Variants in NPAT observed in about 807,000 individuals in gnomAD.
NPAT encodes nuclear protein, coactivator of histone transcription.
In NPAT, 52 loss-of-function variants were observed where a neutral mutation model predicts 130.7. The observed-to-expected ratio is 0.40, with a 90% CI of 0.32 to 0.50. The LOEUF is 0.50. Among genes scored for constraint, NPAT ranks in the 20% least tolerant of loss-of-function variants. The pLI is 0.68. For missense variants in NPAT, 1,687 were observed against 1,662.6 expected, an observed-to-expected ratio of 1.01 and a Z score of -0.26; for synonymous variants, 580 against 584.8, an observed-to-expected ratio of 0.99 and a Z score of 0.12.
intron 13 of NPAT, among the ~76,000 whole-genome samples, chr11:108,170,700 C>T (rs888006762): frequency 2.6e-5 from 4 of 152,296 alleles, no homozygotes; most frequent in Admixed American, 6.5e-5. Flanking sequence ...CAACCTACTA[C>T]GGTCTCTCTG....
intron 1 of NPAT, among the ~76,000 whole-genome samples, chr11:108,199,302 G>A (rs981211728): frequency 1.3e-5 from 2 of 152,220 alleles, no homozygotes; most frequent in East Asian, 3.8e-4. Context: ...AACTGGACCA[G>A]CTGCGGGGCT....
intron 10 of NPAT, among the ~76,000 whole-genome samples, chr11:108,177,660 A>T (rs1591394163): frequency 6.6e-6 from 1 of 152,186 alleles, no homozygotes; most frequent in Non-Finnish European, 1.5e-5. Flanking sequence ...CTAAACATTA[A>T]AATGATATAA....
At chr11:108,210,215 G>C (rs1332749481) in intron 1 of NPAT, among the ~76,000 whole-genome samples, 1 of 152,014 alleles carries the variant, frequency 6.6e-6, no homozygotes, top group Non-Finnish European at 1.5e-5. Context: ...AGAGAATCTA[G>C]ATGAAATGAG....
chr11:108,161,374 C>A lies in NPAT; in HGVS notation c.3712G>T (p.Ala1238Ser), dbSNP rs200156065. The change falls in exon 17 of 18, where the codon GCC becomes TCC. Residue 1238 changes from alanine to serine, a missense_variant. This residue lies in a region of NPAT where 1,379 missense variants were observed against 1,346.6 expected (regional missense o/e 1.02). Coordinates refer to ENST00000278612, the MANE Select transcript of NPAT (RefSeq NM_002519.3). ...KDLKQEQTKS[A>S]SSLITTEMLQ... Reference sequence around the variant, plus strand: ...ATTTCTGTGGTAATCAAAGAACTGGCGGATTTAGTTTGTTCTTGTTTTAGA... The same window carrying A: ...ATTTCTGTGGTAATCAAAGAACTGGAGGATTTAGTTTGTTCTTGTTTTAGA... 4 of 1,614,098 alleles carry A rather than the reference C, an allele frequency of 2.5e-6. No individual in the cohort carries two copies. The highest frequency in any genetic ancestry group is 2.2e-5 in the East Asian group (1 of 44,890).
At chr11:108,184,299 G>A (rs1056294834) in intron 10 of NPAT, among the ~76,000 whole-genome samples, 15 of 151,778 alleles carry the variant, frequency 9.9e-5, no homozygotes, top group Non-Finnish European at 1.8e-4. Context: ...GTGAAACCCC[G>A]TCTCTACTAA....
intron 5 of NPAT, among the ~76,000 whole-genome samples, chr11:108,189,633 G>A (rs535908594): frequency 6.6e-4 from 101 of 152,194 alleles, no homozygotes; most frequent in Non-Finnish European, 1.8e-4. Context: ...CACTTTGGGA[G>A]GCCGAGGCGG....
At position 108,177,210 on chromosome 11, in the gene NPAT, GGTA is replaced by G. The variant is rs201730730; in HGVS notation, c.907-123_907-121del. 4.9e-3 allele frequency: 2,110 copies of G among 433,540 alleles called. 30 individuals are homozygous for G. The highest frequency in any genetic ancestry group is 0.038 in the African/African-American group (1,814 of 48,296). The allele number at this position is 433,540 out of a possible 1,614,324, so 26.9% of individuals were successfully genotyped here. ...TCAGGCTGGAGTGTAGTGGTACAGT[GGTA>G]GAGTCACTGTAGCTCACTATAACCT... On this transcript the variant is annotated intron_variant, in intron 10 of 17. Coordinates refer to ENST00000278612, the MANE Select transcript of NPAT (RefSeq NM_002519.3).
At position 108,172,508 on chromosome 11, in the gene NPAT, T is replaced by C. The variant is rs2077961617; in HGVS notation, c.2476A>G (p.Asn826Asp). The change falls in exon 13 of 18, where the codon AAT becomes GAT. Residue 826 changes from asparagine (N) to aspartate (D), a missense_variant. By Grantham distance (23) the Asn-to-Asp change is conservative. Around this residue, in one of 3 missense-constraint regions of NPAT, gnomAD observed 1,379 missense variants for 1,346.6 expected, o/e 1.02. Coordinates refer to ENST00000278612, the MANE Select transcript of NPAT (RefSeq NM_002519.3). ...GCAATGCCATCTTCATTCTGAGTATTGTTTACTGCAGAGTCTTCAGATTTG... is the reference window on the plus strand; with the variant it reads ...GCAATGCCATCTTCATTCTGAGTATCGTTTACTGCAGAGTCTTCAGATTTG... ...TFKSEDSAVN[N>D]TQNEDGIAFS... The C allele has an allele frequency of 2.5e-6, 4 of 1,614,210 alleles. No individual in the cohort carries two copies. Among genetic ancestry groups the C allele is most frequent in the Non-Finnish European group, 3.4e-6 (4 of 1,180,036 alleles).
In NPAT at chr11:108,161,335, G is replaced by C. The variant is rs113771275; in HGVS notation, c.3751C>G (p.Gln1251Glu). The C allele has an allele frequency of 1.4e-5, 23 of 1,614,166 alleles. No homozygotes were observed. In the African/African-American group the frequency reaches 1.9e-4, roughly 13 times the overall value. ...LITTEMLQDI[Q>E]RHSSVSRLAD... ...AGCCTACTTACTGAGCTGTGCCTCT[G>C]TATATCCTGTAACATTTCTGTGGTA... The change falls in exon 17 of 18, where the codon CAG (glutamine) becomes GAG (glutamate). Residue 1251 changes from glutamine to glutamate, a missense_variant. This residue lies in a region of NPAT where 1,379 missense variants were observed against 1,346.6 expected (regional missense o/e 1.02). Coordinates refer to ENST00000278612, the MANE Select transcript of NPAT (RefSeq NM_002519.3).
Position 108,198,809 on chromosome 11 carries a change from C to T in NPAT, c.38-1389G>A, listed in dbSNP as rs143581261. 4.3e-3 allele frequency among the ~76,000 whole-genome samples: 656 copies of T among 152,320 alleles called. 18 individuals are homozygous for T. The highest frequency in any genetic ancestry group is 0.038 in the Admixed American group (588 of 15,292). ...GCTCTACTCACGTTGGGTCCCCTCT[C>T]GTGTCGAGAGCTGTTTTGTTGCTCA... On this transcript the variant is annotated intron_variant, in intron 1 of 17. Transcript: ENST00000278612.
chr11:108,213,256 A>C lies in NPAT; in HGVS notation c.37+9244T>G, dbSNP rs185965047. Among the ~76,000 whole-genome samples the C allele has an allele frequency of 3.9e-5, 6 of 152,210 alleles. No individual in the cohort carries two copies. In the East Asian group the frequency reaches 1.2e-3, roughly 29 times the overall value. On this transcript the variant is annotated intron_variant, in intron 1 of 17. Coordinates refer to ENST00000278612, the MANE Select transcript of NPAT (RefSeq NM_002519.3). ...CCATTGCACTCCAGCCTGGGCAACA[A>C]GAGCGAAACTCTGTCCCAAAAACAA...
chr11:108,178,719 G>A (rs561353222), intron 10 of NPAT, among the ~76,000 whole-genome samples: 1 of 152,252 alleles, frequency 6.6e-6, no homozygotes, highest in East Asian at 1.9e-4. Flanking sequence ...TTAGCTGGGT[G>A]TGGTGGCGCA....
In NPAT at chr11:108,173,202, A is replaced by C. The variant is rs192893789; in HGVS notation, c.1782T>G (p.Asn594Lys). Residue 594 changes from asparagine to lysine, a missense_variant, in exon 13 of 18, where the codon AAT (asparagine) becomes AAG (lysine). Physicochemically the swap from Asn to Lys is moderately conservative, Grantham distance 94. Coordinates refer to ENST00000278612, the MANE Select transcript of NPAT (RefSeq NM_002519.3). ...VLEPVMSQLS[N>K]CQDNSCLQSE... The stretch of plus-strand genomic sequence containing the variant: ...TTTGAAGACAAGAATTATCTTGGCA[A>C]TTTGATAGCTGTGACATAACTGGTT... 1.2e-6 allele frequency: 2 copies of C among 1,613,782 alleles called. No homozygotes were observed. Among genetic ancestry groups the C allele is most frequent in the Non-Finnish European group, 1.7e-6 (2 of 1,179,908 alleles).
chr11:108,180,898 A>C (rs1490312522), intron 10 of NPAT, among the ~76,000 whole-genome samples: 1 of 152,238 alleles, frequency 6.6e-6, no homozygotes, highest in Non-Finnish European at 1.5e-5. Context: ...GCCATGTAGA[A>C]CCTTGAGGAT....
Position 108,176,998 on chromosome 11 carries a change from G to T in NPAT, c.999C>A (p.Asp333Glu). The T allele has an allele frequency of 6.2e-7, 1 of 1,600,566 alleles. No individual in the cohort carries two copies. The highest frequency in any genetic ancestry group is 8.6e-7 in the Non-Finnish European group (1 of 1,167,966). ...TGAAATAAATAGTCTCCTTACCATA[G>T]TCAAAGAGATCAAAGAGTGCCTGAA... ...PAFQALFDLF[D>E]YGKTKNNKNI... The change falls in exon 11 of 18, where the codon GAC (aspartate) becomes GAA (glutamate). Residue 333 changes from aspartate (D) to glutamate (E), a missense_variant. Coordinates refer to ENST00000278612, the MANE Select transcript of NPAT (RefSeq NM_002519.3).
intron 1 of NPAT, among the ~76,000 whole-genome samples, chr11:108,197,627 C>T (rs1034336171): frequency 6.6e-6 from 1 of 152,182 alleles, no homozygotes; most frequent in Non-Finnish European, 1.5e-5. Context: ...TCACAAGAAA[C>T]AATTCTAGCT....
At chr11:108,190,255 G>A (rs2078153892) in intron 5 of NPAT, among the ~76,000 whole-genome samples, 1 of 140,796 alleles carries the variant, frequency 7.1e-6, no homozygotes, top group Non-Finnish European at 1.5e-5. Flanking sequence ...GGAGGTTGCA[G>A]TGAGCTGAGA....
rs2077843276 is a variant in NPAT, at chr11:108,161,130, GC to G, written c.3955del (p.Ala1319ProfsTer10). 6.2e-7 allele frequency: 1 copy of G among 1,614,034 alleles called. No individual in the cohort carries two copies. The highest frequency in any genetic ancestry group is 1.3e-5 in the African/African-American group (1 of 74,904). ...VTPDLPACSP[A>X]SETGSENSVN... ...ACTGTTTTCACTTCCTGTTTCACTG[GC>G]AGGGCTGCAGGCAGGCAAGTCTGGG... On this transcript the variant is annotated frameshift_variant, in exon 17 of 18. Coordinates refer to ENST00000278612, the MANE Select transcript of NPAT (RefSeq NM_002519.3). LOFTEE classifies it high-confidence loss of function.
chr11:108,173,066 C>T lies in NPAT; in HGVS notation c.1918G>A (p.Ala640Thr). ...SSTKQPSNDS[A>T]SVELNHTENE... is the part of the protein sequence containing the mutation. ...TCTGTATGATTTAACTCAACAGATGCTGAATCATTAGATGGTTGTTTAGTA... is the reference window on the plus strand; with the variant it reads ...TCTGTATGATTTAACTCAACAGATGTTGAATCATTAGATGGTTGTTTAGTA... Residue 640 changes from alanine (A) to threonine (T), a missense_variant, in exon 13 of 18, where the codon GCA (alanine) becomes ACA (threonine). Ala to Thr is a moderately conservative substitution (Grantham distance 58). Around this residue, in one of 3 missense-constraint regions of NPAT, gnomAD observed 1,379 missense variants for 1,346.6 expected, o/e 1.02. Transcript: ENST00000278612. 1 of 1,613,990 alleles carries T rather than the reference C, an allele frequency of 6.2e-7. No homozygotes were observed. The highest frequency in any genetic ancestry group is 8.5e-7 in the Non-Finnish European group (1 of 1,179,966).
Sources: allele counts gnomAD v4.1 joint callset (sites outside exome capture counted in the v4.1 genomes callset), GRCh38; gene constraint gnomAD v4.1.1; regional missense constraint gnomAD v4.1.1; transcripts MANE v1.5; gene names NCBI Gene and HGNC (gene_info 2026-07-23, HGNC 2026-07-21).